The following KCNMA1 variants were observed in gnomAD, a reference collection of about 807,000 sequenced individuals.
KCNMA1 encodes Calcium-activated potassium channel subunit alpha-1.
Under a neutral mutation model 140.0 loss-of-function variants are expected in KCNMA1, and 29 were observed. That is an observed-to-expected ratio of 0.21 (90% CI 0.15 to 0.28). The LOEUF (loss-of-function observed/expected upper bound fraction) is 0.28, where lower values mean the gene tolerates loss of function less well. KCNMA1 is among the 10% of genes least tolerant of loss of function. The pLI, the probability that KCNMA1 is intolerant of heterozygous loss-of-function variation, is 1.00. For synonymous variants in KCNMA1, 612 were observed against 611.9 expected, an observed-to-expected ratio of 1.00 and a Z score of 0.00; for missense variants, 880 against 1,602.2, an observed-to-expected ratio of 0.55 and a Z score of 7.70.
rs200566229 is a variant in KCNMA1, at chr10:77,018,990, G to T, written c.2015+23C>A. The stretch of plus-strand genomic sequence containing the variant: ...TGTCTACAGCCGGGCCAGAAAGAAA[G>T]CCAGTTGAAAATAAACTCTTACCTT... On this transcript the variant is annotated intron_variant, in intron 17 of 27. Coordinates refer to ENST00000286628, the MANE Select transcript of KCNMA1 (RefSeq NM_001161352.2). 85 of 1,368,528 alleles carry T rather than the reference G, an allele frequency of 6.2e-5. No individual in the cohort carries two copies. The Middle Eastern group carries it at 7.2e-4, about 12-fold the overall frequency. The allele number at this position is 1,368,528 out of a possible 1,614,324, so 84.8% of individuals were successfully genotyped here.
At chr10:77,513,162 T>A (rs1450541461) in intron 1 of KCNMA1, among the ~76,000 whole-genome samples, 1 of 94,752 alleles carries the variant, frequency 1.1e-5, no homozygotes, top group African/African-American at 4.2e-5. Context: ...TGCCCTAAAC[T>A]CCACTCAGAG....
In KCNMA1 at chr10:76,887,322, G is replaced by T. The variant is rs1353751916; in HGVS notation, c.3655C>A (p.Pro1219Thr). Residue 1219 changes from proline to threonine, a missense_variant, in exon 28 of 28, where the codon CCC becomes ACC. By Grantham distance (38) the Pro-to-Thr change is conservative. This residue lies in a region of KCNMA1 where 115 missense variants were observed against 139.9 expected (regional missense o/e 0.82). Transcript: ENST00000286628. ...IPSTANRQNR[P>T]KSRESRDKQK... is the part of the protein sequence containing the mutation. ...TTGTCCCGGGACTCCCTGGACTTGG[G>T]CCGGTTCTGTCGGTTTGCTGTGGAT... is the stretch of plus-strand genomic sequence containing the variant. 1.9e-6 allele frequency: 3 copies of T among 1,614,090 alleles called. No individual in the cohort carries two copies. Among genetic ancestry groups the T allele is most frequent in the Non-Finnish European group, 2.5e-6 (3 of 1,180,006 alleles).
chr10:77,538,796 G>A (rs541836837), intron 1 of KCNMA1, among the ~76,000 whole-genome samples: 37 of 152,158 alleles, frequency 2.4e-4, no homozygotes, highest in Admixed American at 1.4e-3. Flanking sequence ...ACCTGTTCTC[G>A]TGCCACAAAA....
chr10:77,449,877 C>G (rs573220656), intron 1 of KCNMA1, among the ~76,000 whole-genome samples: 1 of 152,114 alleles, frequency 6.6e-6, no homozygotes, highest in East Asian at 1.9e-4. Context: ...CTCCTGACCT[C>G]ATGATCCACC....
At chr10:76,899,809 ACT>A (rs931161265) in intron 25 of KCNMA1, among the ~76,000 whole-genome samples, 4 of 152,100 alleles carry the variant, frequency 2.6e-5, no homozygotes, top group Non-Finnish European at 5.9e-5. Context: ...CTTTGACATG[ACT>A]CATATTGTAC....
At chr10:77,361,173 T>C (rs1313022524) in intron 2 of KCNMA1, among the ~76,000 whole-genome samples, 1 of 152,178 alleles carries the variant, frequency 6.6e-6, no homozygotes, top group Non-Finnish European at 1.5e-5. Context: ...TGTGATGAGG[T>C]CTAAATTGCT....
intron 2 of KCNMA1, chr10:77,315,641 C>T (rs1377969709): frequency 6.6e-6 from 1 of 152,208 alleles, no homozygotes. Context: ...TACACCACAG[C>T]TGTTCATATG....
intron 1 of KCNMA1, among the ~76,000 whole-genome samples, chr10:77,571,919 G>A (rs575576685): frequency 6.6e-6 from 1 of 152,292 alleles, no homozygotes; most frequent in South Asian, 2.1e-4. Context: ...AAATGTAGAT[G>A]TATTTATAGG....
chr10:77,123,577 T>G, intron 5 of KCNMA1, among the ~76,000 whole-genome samples: 1 of 151,800 alleles, frequency 6.6e-6, no homozygotes, highest in South Asian at 2.1e-4. Flanking sequence ...CGACTGGCAG[T>G]TAGCACTGAA....
chr10:77,423,591 A>T (rs1305619605), intron 1 of KCNMA1, among the ~76,000 whole-genome samples: 4 of 151,982 alleles, frequency 2.6e-5, no homozygotes, highest in African/African-American at 7.3e-5. Context: ...AGGGGTAGGG[A>T]CTCTGTATTC....
intron 1 of KCNMA1, among the ~76,000 whole-genome samples, chr10:77,441,289 C>T (rs1603620291): frequency 1.3e-5 from 2 of 152,194 alleles, no homozygotes; most frequent in African/African-American, 4.8e-5. Context: ...AGAGGAGCAT[C>T]ATGACCCAAA....
At chr10:77,329,026 T>C (rs1671338270) in intron 2 of KCNMA1, among the ~76,000 whole-genome samples, 1 of 151,878 alleles carries the variant, frequency 6.6e-6, no homozygotes, top group African/African-American at 2.4e-5. Flanking sequence ...ATTTTTAGTA[T>C]GGACAGGGTT....
At chr10:76,875,813 A>T (rs1450994829), downstream of KCNMA1, 4 of 152,628 alleles carry the variant, frequency 2.6e-5, no homozygotes, top group African/African-American at 9.6e-5. Flanking sequence ...CCACAAACAC[A>T]TTTGACTTCT....
intron 2 of KCNMA1, among the ~76,000 whole-genome samples, chr10:77,342,359 C>T (rs1321753538): frequency 1.3e-5 from 2 of 152,192 alleles, no homozygotes; most frequent in Non-Finnish European, 2.9e-5. Context: ...TGTGAGATAA[C>T]TACTATCATT....
rs138199974 is a variant in KCNMA1, at chr10:77,616,391, A to G, written c.378+20874T>C. 4.6e-5 allele frequency among the ~76,000 whole-genome samples: 7 copies of G among 152,344 alleles called. No homozygotes were observed. In the East Asian group the frequency reaches 1.4e-3, roughly 29 times the overall value. On this transcript the variant is annotated intron_variant, in intron 1 of 27. Coordinates refer to ENST00000286628, the MANE Select transcript of KCNMA1 (RefSeq NM_001161352.2). ...TGACCAAATGAAAGTAACAGTAATAACTAACACTTTCCTAGCCCTTGGTTT... is the reference window on the plus strand; with the variant it reads ...TGACCAAATGAAAGTAACAGTAATAGCTAACACTTTCCTAGCCCTTGGTTT...
At chr10:77,373,604 G>C (rs2094890429) in intron 2 of KCNMA1, 1 of 152,176 alleles carries the variant, frequency 6.6e-6, no homozygotes, top group African/African-American at 2.4e-5. Context: ...AGCTGAAACA[G>C]TATTTTTTTT....
intron 19 of KCNMA1, among the ~76,000 whole-genome samples, chr10:76,976,909 A>G (rs998104703): frequency 6.6e-6 from 1 of 152,220 alleles, no homozygotes; most frequent in Admixed American, 6.5e-5. Flanking sequence ...TGCACAATTG[A>G]AAAGAAAAAT....
At chr10:77,397,984 T>C (rs1163933010) in intron 2 of KCNMA1, among the ~76,000 whole-genome samples, 3 of 151,906 alleles carry the variant, frequency 2.0e-5, no homozygotes, top group Admixed American at 6.6e-5. Context: ...TTATTGTGTG[T>C]GTTTGTATAT....
chr10:77,617,800 A>G (rs2154569107), intron 1 of KCNMA1, among the ~76,000 whole-genome samples: 1 of 152,314 alleles, frequency 6.6e-6, no homozygotes, highest in East Asian at 1.9e-4. Flanking sequence ...ACACCTAGCA[A>G]ATACCCAGTA....
Sources: gnomAD v4.1 joint callset for allele counts (sites outside exome capture counted in the v4.1 genomes callset) on GRCh38, gnomAD v4.1.1 for gene constraint, gnomAD v4.1.1 regional missense constraint, MANE v1.5 for transcripts, NCBI Gene and HGNC (gene_info 2026-07-23, HGNC 2026-07-21) for gene names.